The following ATP9B variants were observed in gnomAD, a reference collection of about 807,000 sequenced individuals.
The protein encoded by ATP9B is probable phospholipid-transporting ATPase IIB.
In ATP9B, 110 loss-of-function variants were observed where a neutral mutation model predicts 146.1. The observed-to-expected ratio is 0.75, with a 90% CI of 0.65 to 0.88. The LOEUF (loss-of-function observed/expected upper bound fraction) is 0.88, where lower values mean the gene tolerates loss of function less well. Ranked by LOEUF, ATP9B falls within the 40% of genes least tolerant of loss-of-function variation. The pLI is 0.00. For synonymous variants in ATP9B, 604 were observed against 569.7 expected (o/e 1.06, Z -0.86); for missense variants, 1,499 against 1,496.4 (o/e 1.00, Z -0.03).
At position 79,148,647 on chromosome 18, in the gene ATP9B, C is replaced by T. The variant is rs1399639914; in HGVS notation, c.726+4787C>T. 2.0e-5 allele frequency among the ~76,000 whole-genome samples: 3 copies of T among 152,302 alleles called. No individual in the cohort carries two copies. In the East Asian group the frequency reaches 5.8e-4, roughly 29 times the overall value. ...CTTAATGGTGTAAGACTGAATGCCT[C>T]CTCTCTGAGACTGGCGACAAGGATG... On this transcript the variant is annotated intron_variant, in intron 6 of 29. Transcript: ENST00000426216.
chr18:79,359,480 G>C lies in ATP9B; in HGVS notation c.3012+18G>C. On this transcript the variant is annotated intron_variant, in intron 26 of 29. Transcript: ENST00000426216. ...TCACCAAGGTACGGGCCTCAGGCAAGCTGTCTGCCTCACGACTAGCACCCA... is the reference window on the plus strand; with the variant it reads ...TCACCAAGGTACGGGCCTCAGGCAACCTGTCTGCCTCACGACTAGCACCCA... 1 of 1,581,512 alleles carries C rather than the reference G, an allele frequency of 6.3e-7. No individual in the cohort carries two copies. Among genetic ancestry groups the C allele is most frequent in the Non-Finnish European group, 8.7e-7 (1 of 1,150,884 alleles).
In ATP9B at chr18:79,293,959, T is replaced by C. The variant is rs557466433; in HGVS notation, c.1412-9645T>C. Among the ~76,000 whole-genome samples, 4 of 152,278 alleles carry C rather than the reference T, an allele frequency of 2.6e-5. No homozygotes were observed. The East Asian group carries it at 7.7e-4, about 29-fold the overall frequency. On this transcript the variant is annotated intron_variant, in intron 13 of 29. Transcript: ENST00000426216. Reference sequence around the variant, plus strand: ...TATTTTCAAGGGGTCTTTGTGTACATGTAGAATTCCTCTCAGTTTTCTCCA... The same window carrying C: ...TATTTTCAAGGGGTCTTTGTGTACACGTAGAATTCCTCTCAGTTTTCTCCA...
rs959925071 is a variant in ATP9B at position 79,347,726 on chromosome 18, A to C, written c.2683-44A>C. Reference sequence around the variant, plus strand: ...AACTCACTTTTGGAGTCTGATTTCCAGCGTCCGCCATGTTTGAAAAGGCCC... The same window carrying C: ...AACTCACTTTTGGAGTCTGATTTCCCGCGTCCGCCATGTTTGAAAAGGCCC... On this transcript the variant is annotated intron_variant, in intron 23 of 29. Coordinates refer to ENST00000426216, the MANE Select transcript of ATP9B (RefSeq NM_198531.5). 5 of 1,492,132 alleles carry C rather than the reference A, an allele frequency of 3.4e-6. No individual in the cohort carries two copies. The African/African-American group carries it at 5.7e-5, about 17-fold the overall frequency. The allele number at this position is 1,492,132 out of a possible 1,614,324, so 92.4% of individuals were successfully genotyped here.
chr18:79,348,429 A>C (rs2096904130), intron 25 of ATP9B, among the ~76,000 whole-genome samples: 1 of 152,104 alleles, frequency 6.6e-6, no homozygotes, highest in African/African-American at 2.4e-5. Context: ...TGGAAGCCAT[A>C]GTTTGTGTCA....
intron 11 of ATP9B, among the ~76,000 whole-genome samples, chr18:79,230,266 A>T (rs757252866): frequency 4.6e-5 from 7 of 152,324 alleles, no homozygotes; most frequent in Admixed American, 6.5e-5. Context: ...GGTAAAGAGG[A>T]AGTCACACTG....
At chr18:79,375,872 C>T (rs771780370) in intron 29 of ATP9B, 261 of 985,354 alleles carry the variant, frequency 2.6e-4, no homozygotes, top group Non-Finnish European at 2.9e-4. Context: ...TTATCCCATC[C>T]GGCAACAGTC....
intron 8 of ATP9B, among the ~76,000 whole-genome samples, chr18:79,184,922 G>A (rs117135375): frequency 5.9e-5 from 9 of 151,922 alleles, no homozygotes; most frequent in Admixed American, 6.6e-5. Context: ...ATTTAATTTT[G>A]CTAAGTGTAG....
rs1424571040 is a variant in ATP9B, at chr18:79,143,791, CT to C, written c.668-4del. ...TTTCCTTGAGTTGACTGTACTTCTT[CT>C]TTTTTTAAGGTAAAGTGCAAGTTAA... On this transcript the variant is annotated splice_polypyrimidine_tract_variant and intron_variant, in intron 5 of 29. Transcript: ENST00000426216. 4.5e-6 allele frequency: 7 copies of C among 1,556,412 alleles called. No individual in the cohort carries two copies. Among genetic ancestry groups the C allele is most frequent in the South Asian group, 2.5e-5 (2 of 81,298 alleles).
chr18:79,166,015 C>T (rs530055995), intron 7 of ATP9B, among the ~76,000 whole-genome samples: 24 of 152,292 alleles, frequency 1.6e-4, no homozygotes, highest in African/African-American at 5.3e-4. Context: ...CACTTGATGA[C>T]CTGAGTATCC....
rs1387606888 is a variant in ATP9B, at chr18:79,239,777, C to T, written c.1108-13604C>T. ...GTGTTTTCTCACCTTGCTGTTTTCT[C>T]GAGAGCATTGTTTTGTGAGGGCGGT... On this transcript the variant is annotated intron_variant, in intron 11 of 29. Transcript: ENST00000426216. The surrounding 1 kb of genome is among the most constrained non-coding windows in gnomAD (Gnocchi z 5.1). Among the ~76,000 whole-genome samples the T allele has an allele frequency of 1.3e-5, 2 of 152,116 alleles. No homozygotes were observed. Among genetic ancestry groups the T allele is most frequent in the Admixed American group, 6.5e-5 (1 of 15,276 alleles).
Position 79,350,906 on chromosome 18 carries a change from T to C in ATP9B, c.2903+2710T>C, listed in dbSNP as rs375687234. On this transcript the variant is annotated intron_variant, in intron 25 of 29. Coordinates refer to ENST00000426216, the MANE Select transcript of ATP9B (RefSeq NM_198531.5). ...CCCTCAGCCTCCCAAGTAGCTGGGA[T>C]TGCAGGCATGTGCTACCACGCCCAG... 2.4e-3 allele frequency among the ~76,000 whole-genome samples: 366 copies of C among 152,164 alleles called. 1 individual carries two copies. The highest frequency in any genetic ancestry group is 6.4e-3 in the South Asian group (31 of 4,816).
intron 13 of ATP9B, among the ~76,000 whole-genome samples, chr18:79,291,968 G>A (rs749139863): frequency 7.2e-5 from 11 of 152,306 alleles, no homozygotes; most frequent in South Asian, 2.1e-4. Flanking sequence ...TGTCCTGGGC[G>A]TTCCACGTAA....
At chr18:79,238,086 A>AT (rs2095858428) in intron 11 of ATP9B, among the ~76,000 whole-genome samples, 1 of 152,124 alleles carries the variant, frequency 6.6e-6, no homozygotes, top group African/African-American at 2.4e-5. Context: ...TTGGTGATGT[A>AT]TTTTTATTTT....
chr18:79,099,409 A>T (rs963688032), intron 2 of ATP9B, among the ~76,000 whole-genome samples: 1 of 152,038 alleles, frequency 6.6e-6, no homozygotes, highest in Non-Finnish European at 1.5e-5. Flanking sequence ...TTTAGTAGAG[A>T]TGGGGTTTTG....
At position 79,305,091 on chromosome 18, in the gene ATP9B, A is replaced by G. The variant is rs139607813; in HGVS notation, c.1524+1375A>G. 2.4e-3 allele frequency among the ~76,000 whole-genome samples: 366 copies of G among 152,328 alleles called. 1 individual carries two copies. Among genetic ancestry groups the G allele is most frequent in the South Asian group, 6.4e-3 (31 of 4,824 alleles). ...GGGAGGTGACAGTTCCCAGCGCTGC[A>G]TGGCACTGCTGCCCAGACTTGCAGA... On this transcript the variant is annotated intron_variant, in intron 14 of 29. Coordinates refer to ENST00000426216, the MANE Select transcript of ATP9B (RefSeq NM_198531.5).
intron 17 of ATP9B, among the ~76,000 whole-genome samples, chr18:79,335,068 T>G (rs2096815775): frequency 6.6e-6 from 1 of 152,022 alleles, no homozygotes; most frequent in Non-Finnish European, 1.5e-5. Flanking sequence ...AGGAACTGTT[T>G]TCACTTTGCA....
intron 9 of ATP9B, among the ~76,000 whole-genome samples, chr18:79,198,399 G>A (rs1159984683): frequency 1.3e-5 from 2 of 152,302 alleles, no homozygotes; most frequent in East Asian, 3.9e-4. Context: ...AACATAATGA[G>A]AAAAGGGTTT....
At chr18:79,296,218 G>A (rs1022145785) in intron 13 of ATP9B, among the ~76,000 whole-genome samples, 3 of 152,182 alleles carry the variant, frequency 2.0e-5, no homozygotes, top group Admixed American at 1.3e-4. Context: ...GTCTCACCGT[G>A]TTGCTCAGGC....
At chr18:79,273,206 G>C (rs1306833618) in intron 12 of ATP9B, among the ~76,000 whole-genome samples, 2 of 152,190 alleles carry the variant, frequency 1.3e-5, no homozygotes, top group African/African-American at 2.4e-5. Context: ...TGTTTGTGAT[G>C]AATCTAAGAT....
Sources: allele counts gnomAD v4.1 joint callset (sites outside exome capture counted in the v4.1 genomes callset), GRCh38; gene constraint gnomAD v4.1.1; non-coding constraint Gnocchi (gnomAD v3.1); transcripts MANE v1.5; gene names NCBI Gene and HGNC (gene_info 2026-07-23, HGNC 2026-07-21).